KDM4B: variants seen among roughly 807,000 people sequenced by gnomAD.
KDM4B encodes the protein lysine-specific demethylase 4B.
A neutral mutation model predicts 125.2 loss-of-function variants in KDM4B; 32 were observed. That is an observed-to-expected ratio of 0.26 (90% CI 0.19 to 0.34). The LOEUF (loss-of-function observed/expected upper bound fraction) is 0.34, where lower values mean the gene tolerates loss of function less well. KDM4B is among the 10% of genes least tolerant of loss of function. The probability of loss-of-function intolerance (pLI) is 1.00; values close to 1 mark genes in which losing one functional copy is unlikely to be tolerated. For synonymous variants in KDM4B, 721 were observed against 677.9 expected, an observed-to-expected ratio of 1.06 and a Z score of -0.99; for missense variants, 1,190 against 1,577.7, an observed-to-expected ratio of 0.75 and a Z score of 4.16.
chr19:5,063,366 A>G (rs1055750046), intron 6 of KDM4B, among the ~76,000 whole-genome samples: 2 of 152,104 alleles, frequency 1.3e-5, no homozygotes, highest in African/African-American at 4.8e-5. Context: ...TTATTCATCC[A>G]TTTGGAAAAT....
intron 2 of KDM4B, 122 bp from the exon 3 acceptor site, chr19:5,032,744 A>G: frequency 1.1e-6 from 1 of 887,024 alleles, no homozygotes; most frequent in African/African-American, 1.7e-5. Flanking sequence ...GCGAGGGCCC[A>G]GCCGCCTTTG....
intron 1 of KDM4B, among the ~76,000 whole-genome samples, chr19:4,978,632 AC>A (rs2145310623): frequency 6.6e-6 from 1 of 150,668 alleles, no homozygotes; most frequent in Non-Finnish European, 1.5e-5. Context: ...TGTCCTGCGT[AC>A]CCCAAAGGCA....
intron 9 of KDM4B, among the ~76,000 whole-genome samples, chr19:5,105,725 C>G (rs1020504583): frequency 6.6e-6 from 1 of 152,232 alleles, no homozygotes; most frequent in African/African-American, 2.4e-5. Flanking sequence ...GTGTGAGCCA[C>G]CATTTGAGCC....
intron 1 of KDM4B, among the ~76,000 whole-genome samples, chr19:4,978,916 C>T (rs948370433): frequency 4.6e-5 from 7 of 152,110 alleles, no homozygotes; most frequent in Admixed American, 1.3e-4. Flanking sequence ...TGGTCAGGGG[C>T]GCAGGGTGGC....
chr19:5,020,263 C>T (rs2036069829), intron 2 of KDM4B, among the ~76,000 whole-genome samples: 2 of 134,194 alleles, frequency 1.5e-5, no homozygotes, highest in African/African-American at 2.9e-5. Flanking sequence ...TGTTGGTGTA[C>T]AGGTGTTGGT....
At chr19:4,999,410 C>T (rs2035298506) in intron 1 of KDM4B, among the ~76,000 whole-genome samples, 2 of 152,072 alleles carry the variant, frequency 1.3e-5, no homozygotes, top group Admixed American at 6.6e-5. Flanking sequence ...CCTGTAGTCT[C>T]CCTCATGGTC....
intron 8 of KDM4B, among the ~76,000 whole-genome samples, chr19:5,080,442 G>A (rs1252757292): frequency 2.0e-5 from 3 of 152,234 alleles, no homozygotes; most frequent in Admixed American, 2.0e-4. Context: ...CGTTACGAAG[G>A]AGCTGCAGGA....
chr19:5,014,866 G>A (rs913080930), intron 1 of KDM4B, among the ~76,000 whole-genome samples: 2 of 151,936 alleles, frequency 1.3e-5, no homozygotes, highest in Admixed American at 6.6e-5. Flanking sequence ...ATGGTGGCGG[G>A]CGCCTGTAGT....
chr19:5,034,414 C>T (rs1418241835), intron 3 of KDM4B, among the ~76,000 whole-genome samples: 7 of 152,228 alleles, frequency 4.6e-5, no homozygotes. Flanking sequence ...CAACCAGACG[C>T]CGTGTGAATG....
chr19:5,111,220 C>T (rs533527296), intron 10 of KDM4B, among the ~76,000 whole-genome samples: 3 of 152,364 alleles, frequency 2.0e-5, no homozygotes, highest in South Asian at 2.1e-4. Context: ...TTCTGCTGTC[C>T]GGCTACTCGG....
rs192780345 is a variant in KDM4B at position 5,000,692 on chromosome 19, T to G, written c.-108-15565T>G. The stretch of plus-strand genomic sequence containing the variant: ...AGTTTACATGGATTAGTTCTTCCAT[T>G]TTTTTCCCCCTTCTTTACTGTGGTT... On this transcript the variant is annotated intron_variant, in intron 1 of 22. Coordinates refer to ENST00000159111, the MANE Select transcript of KDM4B (RefSeq NM_015015.3). 1.8e-4 allele frequency among the ~76,000 whole-genome samples: 27 copies of G among 152,268 alleles called. No individual in the cohort carries two copies. In the East Asian group the frequency reaches 5.2e-3, roughly 29 times the overall value.
chr19:5,134,752 C>T (rs1251998277), intron 14 of KDM4B, among the ~76,000 whole-genome samples: 5 of 151,994 alleles, frequency 3.3e-5, no homozygotes, highest in African/African-American at 7.2e-5. Context: ...CAGGCCTGTG[C>T]GCCGGCCGGG....
chr19:5,042,834 C>T (rs533158828), intron 5 of KDM4B, among the ~76,000 whole-genome samples: 17 of 151,892 alleles, frequency 1.1e-4, no homozygotes, highest in Non-Finnish European at 1.9e-4. Context: ...CCGCCGACAC[C>T]GGGACCTGCA....
intron 6 of KDM4B, among the ~76,000 whole-genome samples, chr19:5,055,391 T>C (rs1426935416): frequency 6.6e-6 from 1 of 152,224 alleles, no homozygotes; most frequent in Non-Finnish European, 1.5e-5. Flanking sequence ...TCATATCGCC[T>C]TTTGCTGTGT....
intron 9 of KDM4B, among the ~76,000 whole-genome samples, chr19:5,086,387 G>C (rs893590758): frequency 7.2e-5 from 11 of 152,186 alleles, no homozygotes; most frequent in Admixed American, 7.2e-4. Context: ...CGTCTTCACA[G>C]GGTTGTGGGA....
chr19:5,019,209 C>T (rs1414762013), intron 2 of KDM4B, among the ~76,000 whole-genome samples: 45 of 75,542 alleles, frequency 6.0e-4, no homozygotes, highest in East Asian at 9.0e-4. Context: ...TGTGCAGGTG[C>T]TGGTGTGGAT....
chr19:5,092,085 C>G (rs971097513), intron 9 of KDM4B, among the ~76,000 whole-genome samples: 1 of 152,182 alleles, frequency 6.6e-6, no homozygotes, highest in African/African-American at 2.4e-5. Flanking sequence ...GATCCCGGGC[C>G]GGGCCAGAAT....
chr19:5,005,584 G>A (rs1278600522), intron 1 of KDM4B, among the ~76,000 whole-genome samples: 1 of 152,118 alleles, frequency 6.6e-6, no homozygotes, highest in Non-Finnish European at 1.5e-5. Context: ...TGGGTGGTGG[G>A]GGTTCACCTT....
At chr19:5,042,366 G>GGT (rs1442666077) in intron 5 of KDM4B, among the ~76,000 whole-genome samples, 1 of 152,160 alleles carries the variant, frequency 6.6e-6, no homozygotes, top group Non-Finnish European at 1.5e-5. Flanking sequence ...TGGGCATGGT[G>GGT]GTGTGTGCCT....
Sources: gnomAD v4.1 joint callset for allele counts (sites outside exome capture counted in the v4.1 genomes callset) on GRCh38, gnomAD v4.1.1 for gene constraint, MANE v1.5 for transcripts, NCBI Gene and HGNC (gene_info 2026-07-23, HGNC 2026-07-21) for gene names.